The following SYCE1L variants were observed in gnomAD, a reference collection of about 807,000 sequenced individuals.
The protein encoded by SYCE1L is synaptonemal complex central element protein 1 like.
Under a neutral mutation model 39.6 loss-of-function variants are expected in SYCE1L, and 51 were observed. The ratio of observed to expected loss-of-function variants is 1.29; its 90% CI spans 1.03 to 1.63. The LOEUF is 1.63. Ranked by LOEUF, SYCE1L falls within the 40% of genes most tolerant of loss-of-function variation. The pLI is 0.00. For synonymous variants in SYCE1L, 147 were observed against 122.4 expected (o/e 1.20, Z -1.33); for missense variants, 426 against 304.9 (o/e 1.40, Z -2.96).
intron 4 of SYCE1L, 135 bp from the exon 5 acceptor site, chr16:77,208,962 G>A (rs900100496): frequency 2.2e-5 from 20 of 910,806 alleles, no homozygotes; most frequent in Middle Eastern, 3.0e-4. Context: ...GGAGATGGTT[G>A]CAAGGGTGGC....
chr16:77,212,632 G>A lies in SYCE1L; in HGVS notation c.640G>A (p.Ala214Thr). The A allele has an allele frequency of 2.6e-6, 4 of 1,535,004 alleles. No homozygotes were observed. Among genetic ancestry groups the A allele is most frequent in the Non-Finnish European group, 3.5e-6 (4 of 1,146,212 alleles). ...GGTCCGGAGCGCCCCCGAGGTCGGG[G>A]CCGGCGAGGGAGAGGTAGGGAGCCC... Reference protein sequence around the residue: ...EQVRSAPEVGAGEGEAGPELP... With the variant: ...EQVRSAPEVGTGEGEAGPELP... The change falls in exon 10 of 11, where the codon GCC becomes ACC. Residue 214 changes from alanine to threonine, a missense_variant. Ala to Thr is a moderately conservative substitution (Grantham distance 58). Transcript: ENST00000378644.
chr16:77,208,312 A>G, intron 3 of SYCE1L, 43 bp downstream of exon 3: 1 of 1,549,064 alleles, frequency 6.5e-7, no homozygotes, highest in Non-Finnish European at 8.7e-7. Flanking sequence ...GCGAGCAGGA[A>G]GTGACTGGAT....
intron 1 of SYCE1L, chr16:77,200,767 A>G (rs1333305976): frequency 6.2e-5 from 4 of 64,186 alleles, no homozygotes; most frequent in Non-Finnish European, 1.8e-4. Context: ...AAAAAAAAAG[A>G]AAAAACAAAA....
In SYCE1L at chr16:77,212,367, CG is replaced by C; in HGVS notation, c.581+1del. On this transcript the variant is annotated frameshift_variant and splice_region_variant, in exon 9 of 11. Coordinates refer to ENST00000378644, the MANE Select transcript of SYCE1L (RefSeq NM_001129979.3). LOFTEE classifies it high-confidence loss of function. ...EVEGAMAVND[G>X]LKAELEIFGE... The stretch of plus-strand genomic sequence containing the variant: ...TCGAGGGCGCCATGGCGGTGAATGA[CG>C]GGTGAGAGGGGAAGGGAGGAGTGGG... 1 of 1,527,438 alleles carries C rather than the reference CG, an allele frequency of 6.5e-7. No individual in the cohort carries two copies. 94.6% of individuals were successfully genotyped at this position (1,527,438 alleles called of 1,614,324 possible). A position where few individuals can be genotyped will look rare whatever the true frequency, so the allele number is the denominator to read the frequency against.
At chr16:77,200,720 C>A (rs909430346) in intron 1 of SYCE1L, 1 of 136,990 alleles carries the variant, frequency 7.3e-6, no homozygotes, top group African/African-American at 2.8e-5. Flanking sequence ...TGCGCCACTG[C>A]ACTCCAGCGC....
chr16:77,211,338 C>T lies in SYCE1L; in HGVS notation c.423+62C>T, dbSNP rs372384981. ...CTCCCTGGCTTTAGTGTCGCACTGA[C>T]TGGCCCAGAGTCCACCCCTGCCCAG... On this transcript the variant is annotated intron_variant, in intron 7 of 10. Transcript: ENST00000378644. 1.4e-3 allele frequency: 2,193 copies of T among 1,541,736 alleles called. 7 individuals carry two copies. The highest frequency in any genetic ancestry group is 3.0e-3 in the Middle Eastern group (18 of 5,960).
intron 1 of SYCE1L, 114 bp downstream of exon 1, chr16:77,199,626 G>A (rs2054708792): frequency 2.1e-6 from 2 of 936,134 alleles, no homozygotes; most frequent in Non-Finnish European, 3.2e-6. Context: ...TAAATAAAAT[G>A]TTAAGCCTTT....
rs1385050726 is a variant in SYCE1L at position 77,212,909 on chromosome 16, T to C, written c.707T>C (p.Val236Ala). The C allele has an allele frequency of 1.3e-6, 2 of 1,528,990 alleles. No homozygotes were observed. The highest frequency in any genetic ancestry group is 2.0e-5 in the Admixed American group (1 of 50,194). The allele number at this position is 1,528,990 out of a possible 1,614,324, so 94.7% of individuals were successfully genotyped here. The part of the protein sequence containing the change: ...ARDEEDPEPP[V>A]AAPDAL ...GACGAGGAGGATCCCGAGCCGCCGG[T>C]GGCTGCCCCTGACGCCCTCTAGGCC... is the stretch of plus-strand genomic sequence containing the variant. Residue 236 changes from valine (V) to alanine (A), a missense_variant, in exon 11 of 11, where the codon GTG (valine) becomes GCG (alanine). Transcript: ENST00000378644.
intron 5 of SYCE1L, 75 bp from the exon 6 acceptor site, chr16:77,209,342 G>A (rs968004458): frequency 3.4e-6 from 5 of 1,485,946 alleles, no homozygotes; most frequent in Middle Eastern, 3.4e-4. Context: ...CTGACATGAT[G>A]TGGGGCCTAT....
At chr16:77,200,629 G>C (rs756511600) in intron 1 of SYCE1L, 2 of 151,656 alleles carry the variant, frequency 1.3e-5, no homozygotes, top group African/African-American at 4.9e-5. Flanking sequence ...GGTGGCGGGC[G>C]CCTGTAGTCC....
chr16:77,212,518 C>T (rs1172434633), intron 9 of SYCE1L, 56 bp from the exon 10 acceptor site: 6 of 1,537,998 alleles, frequency 3.9e-6, no homozygotes, highest in African/African-American at 2.7e-5. Context: ...TGGCTTCCTC[C>T]TCGTCCCCTG....
intron 1 of SYCE1L, among the ~76,000 whole-genome samples, chr16:77,203,205 A>G (rs1045709908): frequency 6.6e-6 from 1 of 152,214 alleles, no homozygotes. Flanking sequence ...ATTTTACTAA[A>G]AGACCAAGTG....
rs1244486100 is a variant in SYCE1L, at chr16:77,212,939, G to T, written c.*8G>T. The T allele has an allele frequency of 1.3e-6, 2 of 1,502,912 alleles. No individual in the cohort carries two copies. Among genetic ancestry groups the T allele is most frequent in the East Asian group, 5.1e-5 (2 of 39,484 alleles). 93.1% of individuals were successfully genotyped at this position (1,502,912 alleles called of 1,614,324 possible). On this transcript the variant is annotated 3_prime_UTR_variant, in exon 11 of 11. Transcript: ENST00000378644. ...GCCCCTGACGCCCTCTAGGCCAGCAGGACCCGCCCGTTCCCGACCTTCCCT... is the reference window on the plus strand; with the variant it reads ...GCCCCTGACGCCCTCTAGGCCAGCATGACCCGCCCGTTCCCGACCTTCCCT...
At chr16:77,207,200 C>G (rs1334992046) in intron 2 of SYCE1L, among the ~76,000 whole-genome samples, 2 of 152,176 alleles carry the variant, frequency 1.3e-5, no homozygotes, top group East Asian at 3.9e-4. Flanking sequence ...TAATCAGCAC[C>G]GTGGAGAGCA....
intron 1 of SYCE1L, among the ~76,000 whole-genome samples, chr16:77,205,433 A>AATATATATATATGTATAT (rs1555502774): frequency 1.2e-4 from 17 of 145,262 alleles, no homozygotes; most frequent in Non-Finnish European, 2.4e-4. Context: ...CATAGAAGTA[A>AATATATATATATGTATAT]ATATATATAT....
chr16:77,205,088 T>C (rs1393478628), intron 1 of SYCE1L, among the ~76,000 whole-genome samples: 1 of 149,236 alleles, frequency 6.7e-6, no homozygotes, highest in Non-Finnish European at 1.5e-5. Context: ...GTGGGAGGTA[T>C]GTTTGTATAT....
chr16:77,205,786 T>A (rs1029644184), intron 1 of SYCE1L, among the ~76,000 whole-genome samples: 5 of 152,170 alleles, frequency 3.3e-5, no homozygotes, highest in Admixed American at 1.3e-4. Context: ...GCAAAAATCC[T>A]TCATCAGCCG....
At chr16:77,207,921 A>G (rs1388368948) in intron 2 of SYCE1L, among the ~76,000 whole-genome samples, 2 of 151,912 alleles carry the variant, frequency 1.3e-5, no homozygotes. Flanking sequence ...GGGCCTTTGC[A>G]TATCCCCAGA....
intron 1 of SYCE1L, among the ~76,000 whole-genome samples, chr16:77,204,647 C>T (rs1474141549): frequency 6.6e-6 from 1 of 152,108 alleles, no homozygotes; most frequent in African/African-American, 2.4e-5. Context: ...CAGTGGAATG[C>T]CATGCAGCCA....
Sources: allele counts gnomAD v4.1 joint callset (sites outside exome capture counted in the v4.1 genomes callset), GRCh38; gene constraint gnomAD v4.1.1; transcripts MANE v1.5; gene names NCBI Gene and HGNC (gene_info 2026-07-23, HGNC 2026-07-21).